PBX3: variants seen among roughly 807,000 people sequenced by gnomAD.
PBX3 encodes PBX homeobox 3.
A neutral mutation model predicts 48.5 loss-of-function variants in PBX3; 14 were observed. The ratio of observed to expected loss-of-function variants is 0.29; its 90% CI spans 0.19 to 0.45. PBX3 has a LOEUF of 0.45. Ranked by LOEUF, PBX3 falls within the 20% of genes least tolerant of loss-of-function variation. The pLI is 1.00. For synonymous variants in PBX3, 210 were observed against 200.3 expected (o/e 1.05, Z -0.41); for missense variants, 386 against 546.7 (o/e 0.71, Z 2.93).
intron 2 of PBX3, among the ~76,000 whole-genome samples, chr9:125,791,687 G>A (rs1031828395): frequency 6.6e-6 from 1 of 152,114 alleles, no homozygotes; most frequent in African/African-American, 2.4e-5. Flanking sequence ...TGTAATCCCA[G>A]CACTTTGGGA....
At chr9:125,891,627 T>C (rs1212991113) in intron 2 of PBX3, among the ~76,000 whole-genome samples, 3 of 152,202 alleles carry the variant, frequency 2.0e-5, no homozygotes, top group African/African-American at 7.2e-5. Context: ...CAAAAGTTTG[T>C]TTTCTTTTAA....
At chr9:125,790,481 C>T (rs916563304) in intron 2 of PBX3, among the ~76,000 whole-genome samples, 4 of 151,708 alleles carry the variant, frequency 2.6e-5, no homozygotes, top group Admixed American at 1.3e-4. Flanking sequence ...CTTGAACTCC[C>T]GAGCTCAGGC....
intron 2 of PBX3, among the ~76,000 whole-genome samples, chr9:125,835,857 C>CA (rs959994847): frequency 1.6e-4 from 24 of 151,276 alleles, no homozygotes; most frequent in South Asian, 8.3e-4. Flanking sequence ...GGCATATATC[C>CA]AAAAAAAAGG....
At chr9:125,963,683 G>A (rs930087217) in intron 8 of PBX3, among the ~76,000 whole-genome samples, 2 of 152,174 alleles carry the variant, frequency 1.3e-5, no homozygotes, top group African/African-American at 4.8e-5. Flanking sequence ...TGGAAAAGGG[G>A]GAAGGGGGCA....
At chr9:125,911,448 A>G (rs1226497343) in intron 2 of PBX3, among the ~76,000 whole-genome samples, 1 of 152,134 alleles carries the variant, frequency 6.6e-6, no homozygotes. Context: ...ACTTCTGACC[A>G]CTATCCTGCA....
intron 4 of PBX3, among the ~76,000 whole-genome samples, chr9:125,931,519 A>T (rs543986337): frequency 1.3e-5 from 2 of 152,066 alleles, no homozygotes; most frequent in African/African-American, 4.8e-5. Context: ...CCTGGTCTTG[A>T]ACTCCTGAAC....
intron 2 of PBX3, among the ~76,000 whole-genome samples, chr9:125,859,396 T>C (rs1167274480): frequency 6.6e-6 from 1 of 152,232 alleles, no homozygotes; most frequent in Admixed American, 6.5e-5. Context: ...AGAACATTGC[T>C]ACTGCAAGGC....
intron 2 of PBX3, among the ~76,000 whole-genome samples, chr9:125,764,397 C>T (rs549993209): frequency 6.6e-6 from 1 of 152,238 alleles, no homozygotes; most frequent in South Asian, 2.1e-4. Context: ...GCTGATATAT[C>T]TTTTGGATCC....
intron 2 of PBX3, among the ~76,000 whole-genome samples, chr9:125,757,274 G>GTT (rs202061943): frequency 2.0e-5 from 3 of 148,210 alleles, no homozygotes; most frequent in Admixed American, 6.8e-5. Context: ...TCCCACCATT[G>GTT]TTTTTTTTTA....
chr9:125,910,404 A>G (rs1348912689), intron 2 of PBX3, among the ~76,000 whole-genome samples: 1 of 152,110 alleles, frequency 6.6e-6, no homozygotes, highest in African/African-American at 2.4e-5. Context: ...GTAAGAGACA[A>G]GTAGCTCTTT....
chr9:125,965,777 G>A (rs1013513876), intron 8 of PBX3, 54 bp from the exon 9 acceptor site: 2 of 1,303,948 alleles, frequency 1.5e-6, no homozygotes, highest in South Asian at 2.4e-5. Flanking sequence ...TTTAAATTGG[G>A]GAGTAGAATT....
chr9:125,876,147 C>T (rs1175656866), intron 2 of PBX3, among the ~76,000 whole-genome samples: 1 of 152,168 alleles, frequency 6.6e-6, no homozygotes, highest in Non-Finnish European at 1.5e-5. Context: ...CTGTGTGCTT[C>T]CTTTAGGATG....
chr9:125,835,187 G>A (rs922493285), intron 2 of PBX3, among the ~76,000 whole-genome samples: 4 of 151,982 alleles, frequency 2.6e-5, no homozygotes, highest in African/African-American at 9.7e-5. Flanking sequence ...TATGTGCCAG[G>A]CACAGTTCTA....
In PBX3 at chr9:125,929,740, G is replaced by T; in HGVS notation, c.602G>T (p.Arg201Ile). The change falls in exon 4 of 9, where the codon AGA (arginine) becomes ATA (isoleucine). Residue 201 changes from arginine to isoleucine, a missense_variant. By Grantham distance (97) the Arg-to-Ile change is moderately conservative. Coordinates refer to ENST00000373489, the MANE Select transcript of PBX3 (RefSeq NM_006195.6). Reference sequence around the variant, plus strand: ...CCCATTTCTCCAAAAGAGATTGAAAGAATGGTGGGCATCATCCATCGAAAA... The same window carrying T: ...CCCATTTCTCCAAAAGAGATTGAAATAATGGTGGGCATCATCCATCGAAAA... ...TRPISPKEIE[R>I]MVGIIHRKFS... 1 of 1,613,742 alleles carries T rather than the reference G, an allele frequency of 6.2e-7. No homozygotes were observed. The highest frequency in any genetic ancestry group is 8.5e-7 in the Non-Finnish European group (1 of 1,179,748).
chr9:125,897,141 G>GTTTTTTTTTTTTTTTTTTTTT (rs371641194), intron 2 of PBX3, among the ~76,000 whole-genome samples: 1 of 108,930 alleles, frequency 9.2e-6, no homozygotes, highest in Non-Finnish European at 1.8e-5. Context: ...TTCATTTGTG[G>GTTTTTTTTTTTTTTTTTTTTT]TTTTTTTTTT....
chr9:125,839,655 T>C (rs920735420), intron 2 of PBX3, among the ~76,000 whole-genome samples: 1 of 152,192 alleles, frequency 6.6e-6, no homozygotes, highest in Non-Finnish European at 1.5e-5. Context: ...CTCTTGTCTC[T>C]GTTAGGAAAG....
intron 2 of PBX3, among the ~76,000 whole-genome samples, chr9:125,752,038 A>G (rs947774670): frequency 1.3e-5 from 2 of 152,208 alleles, no homozygotes; most frequent in African/African-American, 4.8e-5. Context: ...TATGAATCAC[A>G]TTATTGTGAA....
chr9:125,830,666 T>A (rs1470482652), intron 2 of PBX3, among the ~76,000 whole-genome samples: 2 of 152,194 alleles, frequency 1.3e-5, no homozygotes, highest in Non-Finnish European at 1.5e-5. Flanking sequence ...TTTACTGGGC[T>A]CTTTATGTAC....
chr9:125,778,038 G>T (rs1412462017), intron 2 of PBX3, among the ~76,000 whole-genome samples: 14 of 149,306 alleles, frequency 9.4e-5, no homozygotes, highest in Admixed American at 2.7e-4. Context: ...TTGGTTCACT[G>T]CAACCTCCTC....
Sources: gnomAD v4.1 joint callset for allele counts (sites outside exome capture counted in the v4.1 genomes callset) on GRCh38, gnomAD v4.1.1 for gene constraint, MANE v1.5 for transcripts, NCBI Gene and HGNC (gene_info 2026-07-23, HGNC 2026-07-21) for gene names.